The following IMMP1L variants were observed in gnomAD, a reference collection of about 807,000 sequenced individuals.
IMMP1L encodes inner mitochondrial membrane peptidase subunit 1, also known as mitochondrial inner membrane protease subunit 1.
In IMMP1L, 24 loss-of-function variants were observed where a neutral mutation model predicts 21.8. The observed-to-expected ratio is 1.10, with a 90% CI of 0.80 to 1.55. IMMP1L has a LOEUF of 1.55. Ranked by LOEUF, IMMP1L falls within the 40% of genes most tolerant of loss-of-function variation. IMMP1L has a pLI of 0.00. For synonymous variants in IMMP1L, 46 were observed against 62.8 expected (o/e 0.73, Z 1.26); for missense variants, 195 against 200.7 (o/e 0.97, Z 0.17).
intron 3 of IMMP1L, among the ~76,000 whole-genome samples, chr11:31,459,585 C>T (rs1954068256): frequency 6.6e-6 from 1 of 152,066 alleles, no homozygotes; most frequent in South Asian, 2.1e-4. Context: ...GGAACCACCA[C>T]TTGAAATAGG....
chr11:31,505,463 C>T (rs1010758892), intron 1 of IMMP1L, among the ~76,000 whole-genome samples: 1 of 152,150 alleles, frequency 6.6e-6, no homozygotes. Flanking sequence ...AGAAAACAAA[C>T]TGACATTAGG....
At chr11:31,499,648 T>G (rs946922555) in intron 1 of IMMP1L, among the ~76,000 whole-genome samples, 1 of 152,170 alleles carries the variant, frequency 6.6e-6, no homozygotes, top group South Asian at 2.1e-4. Context: ...CAGCAGCATA[T>G]TTTTTATAAC....
At position 31,433,536 on chromosome 11, in the gene IMMP1L, T is replaced by C. The variant is rs1952995582; in HGVS notation, c.356A>G (p.Asn119Ser). ...PMGHVWLEGD[N>S]LQNSTDSRCY... ...CCTGGAATCTGTAGAATTCTGTAGA[T>C]TGTCACCTTCTAACCAAACATGACC... The change falls in exon 5 of 6, where the codon AAT becomes AGT. Residue 119 changes from asparagine to serine, a missense_variant. By Grantham distance (46) the Asn-to-Ser change is conservative. Transcript: ENST00000532287. The C allele has an allele frequency of 6.2e-7, 1 of 1,612,204 alleles. No homozygotes were observed. The highest frequency in any genetic ancestry group is 8.5e-7 in the Non-Finnish European group (1 of 1,178,948).
At chr11:31,478,233 G>C (rs1173848566) in intron 1 of IMMP1L, among the ~76,000 whole-genome samples, 1 of 152,210 alleles carries the variant, frequency 6.6e-6, no homozygotes, top group Non-Finnish European at 1.5e-5. Flanking sequence ...AGACGAAAAA[G>C]AGCTTGGTCT....
intron 2 of IMMP1L, among the ~76,000 whole-genome samples, chr11:31,462,812 A>G (rs1231964478): frequency 6.6e-6 from 1 of 152,218 alleles, no homozygotes; most frequent in East Asian, 1.9e-4. Flanking sequence ...AGTATCTCAA[A>G]GAAGTGTAAA....
intron 4 of IMMP1L, among the ~76,000 whole-genome samples, chr11:31,438,678 T>C (rs1371159123): frequency 6.6e-6 from 1 of 152,214 alleles, no homozygotes; most frequent in Non-Finnish European, 1.5e-5. Context: ...CTTCTGTGCA[T>C]GATGTGAAGT....
At chr11:31,465,424 T>C (rs1954301265) in intron 1 of IMMP1L, among the ~76,000 whole-genome samples, 1 of 152,006 alleles carries the variant, frequency 6.6e-6, no homozygotes, top group Admixed American at 6.6e-5. Context: ...TATACCAAAG[T>C]CATTTTTCAC....
At chr11:31,448,899 T>C in intron 4 of IMMP1L, 1 of 978,312 alleles carries the variant, frequency 1.0e-6, no homozygotes. Flanking sequence ...GAGTGAAATT[T>C]ATCTTCAGAA....
Position 31,450,707 on chromosome 11 carries a change from A to G in IMMP1L, c.321+5553T>C, listed in dbSNP as rs184891331. On this transcript the variant is annotated intron_variant, in intron 4 of 5. Coordinates refer to ENST00000532287, the MANE Select transcript of IMMP1L (RefSeq NM_001304274.2). ...AGATTGGGCAGTTCAGCAGCGTGGT[A>G]GGCTCCATGAACATCTTCTGAGAAG... 3.9e-3 allele frequency among the ~76,000 whole-genome samples: 600 copies of G among 152,292 alleles called. 5 individuals carry two copies. Among genetic ancestry groups the G allele is most frequent in the Non-Finnish European group, 6.9e-3 (469 of 68,016 alleles).
chr11:31,453,207 CACATCACT>C (rs1953816813), intron 4 of IMMP1L: 1 of 714,096 alleles, frequency 1.4e-6, no homozygotes, highest in Non-Finnish European at 2.0e-6. Flanking sequence ...AAAATGATCC[CACATCACT>C]ACATCACTTA....
At position 31,460,612 on chromosome 11, in the gene IMMP1L, T is replaced by C. The variant is rs1954105314; in HGVS notation, c.194+14A>G. 2 of 1,510,422 alleles carry C rather than the reference T, an allele frequency of 1.3e-6. No individual in the cohort carries two copies. Among genetic ancestry groups the C allele is most frequent in the Non-Finnish European group, 1.8e-6 (2 of 1,086,528 alleles). 93.6% of individuals were successfully genotyped at this position (1,510,422 alleles called of 1,614,324 possible). On this transcript the variant is annotated intron_variant, in intron 3 of 5. Coordinates refer to ENST00000532287, the MANE Select transcript of IMMP1L (RefSeq NM_001304274.2). Reference sequence around the variant, plus strand: ...TTTCACTGTAAATTTAATATATCCATGACAGAAATTTACCTTTGGATACCA... The same window carrying C: ...TTTCACTGTAAATTTAATATATCCACGACAGAAATTTACCTTTGGATACCA...
chr11:31,471,340 TCTGAAGTGTTCC>T, intron 1 of IMMP1L, among the ~76,000 whole-genome samples: 1 of 152,286 alleles, frequency 6.6e-6, no homozygotes, highest in Middle Eastern at 3.4e-3. Context: ...TCTCCTTCCC[TCTGAAGTGTTCC>T]CTGACCTCCG....
intron 1 of IMMP1L, among the ~76,000 whole-genome samples, chr11:31,506,482 G>A (rs1015558133): frequency 4.6e-5 from 7 of 151,574 alleles, no homozygotes; most frequent in African/African-American, 1.2e-4. Context: ...TGCACGCCTC[G>A]TCCTCCCATA....
intron 4 of IMMP1L, among the ~76,000 whole-genome samples, chr11:31,444,237 G>A (rs189835087): frequency 2.0e-5 from 3 of 152,234 alleles, no homozygotes; most frequent in Non-Finnish European, 4.4e-5. Context: ...CAAGACTCCT[G>A]GCACCCAGGA....
At chr11:31,476,911 C>G (rs879175127) in intron 1 of IMMP1L, among the ~76,000 whole-genome samples, 2 of 152,028 alleles carry the variant, frequency 1.3e-5, no homozygotes. Flanking sequence ...AATTAACTAA[C>G]TCACTGATTT....
At chr11:31,442,556 G>T (rs1313236185) in intron 4 of IMMP1L, among the ~76,000 whole-genome samples, 1 of 152,168 alleles carries the variant, frequency 6.6e-6, no homozygotes, top group Non-Finnish European at 1.5e-5. Context: ...CCTAAGAACA[G>T]ACTGATTTTT....
intron 2 of IMMP1L, 76 bp downstream of exon 2, chr11:31,463,096 A>C: frequency 8.2e-7 from 1 of 1,220,012 alleles, no homozygotes. Flanking sequence ...AGGTTTTCAA[A>C]AGGAAAAACA....
intron 1 of IMMP1L, among the ~76,000 whole-genome samples, chr11:31,498,559 CT>C (rs1955522518): frequency 6.6e-6 from 1 of 152,136 alleles, no homozygotes; most frequent in African/African-American, 2.4e-5. Flanking sequence ...GAATATATAC[CT>C]ATTTTAGCAG....
intron 3 of IMMP1L, 63 bp from the exon 4 acceptor site, chr11:31,456,449 C>A (rs2133632787): frequency 1.5e-6 from 2 of 1,293,154 alleles, no homozygotes; most frequent in East Asian, 4.6e-5. Flanking sequence ...ATGCATGGCA[C>A]TGCTTTAATA....
Sources: allele counts gnomAD v4.1 joint callset (sites outside exome capture counted in the v4.1 genomes callset), GRCh38; gene constraint gnomAD v4.1.1; transcripts MANE v1.5; gene names NCBI Gene and HGNC (gene_info 2026-07-23, HGNC 2026-07-21).